The following ERC2 variants were observed in gnomAD, a reference collection of about 807,000 sequenced individuals.
The protein encoded by ERC2 is ERC protein 2.
A neutral mutation model predicts 114.8 loss-of-function variants in ERC2; 42 were observed. The observed-to-expected ratio is 0.37, with a 90% confidence interval of 0.29 to 0.47. ERC2 has a LOEUF of 0.47. Ranked by LOEUF, ERC2 falls within the 20% of genes least tolerant of loss-of-function variation. ERC2 has a pLI of 0.99. For synonymous variants in ERC2, 454 were observed against 425.5 expected (o/e 1.07, Z -0.82); for missense variants, 939 against 1,150.7 (o/e 0.82, Z 2.66).
chr3:56,315,332 C>T (rs2056813364), intron 2 of ERC2, among the ~76,000 whole-genome samples: 1 of 152,054 alleles, frequency 6.6e-6, no homozygotes, highest in Non-Finnish European at 1.5e-5. Context: ...AATGATAAGT[C>T]ACAGGAGATC....
At chr3:56,245,832 C>T (rs2051657367) in intron 3 of ERC2, among the ~76,000 whole-genome samples, 1 of 152,036 alleles carries the variant, frequency 6.6e-6, no homozygotes, top group African/African-American at 2.4e-5. Context: ...TGAGCCACCA[C>T]TCCCGGCCCT....
At chr3:55,911,398 C>T (rs2064803721) in intron 13 of ERC2, among the ~76,000 whole-genome samples, 1 of 152,124 alleles carries the variant, frequency 6.6e-6, no homozygotes, top group African/African-American at 2.4e-5. Context: ...AGGTAATATT[C>T]TAGTAAGGGA....
At chr3:56,266,133 T>A (rs1037709868) in intron 3 of ERC2, among the ~76,000 whole-genome samples, 2 of 144,142 alleles carry the variant, frequency 1.4e-5, no homozygotes, top group Non-Finnish European at 3.1e-5. Flanking sequence ...ATAACTAGAT[T>A]TTTTTTTTTT....
chr3:56,097,470 C>T (rs967829228), intron 6 of ERC2, among the ~76,000 whole-genome samples: 5 of 151,966 alleles, frequency 3.3e-5, no homozygotes, highest in Non-Finnish European at 5.9e-5. Context: ...TTTCATCCTG[C>T]GAATTTTCTA....
chr3:56,135,545 T>C (rs558366614), intron 6 of ERC2, among the ~76,000 whole-genome samples: 154 of 152,306 alleles, frequency 1.0e-3, no homozygotes, highest in African/African-American at 3.5e-3. Flanking sequence ...CCATAATTTA[T>C]AGCTGTAACC....
chr3:55,816,760 CA>C (rs2059917838), intron 14 of ERC2, among the ~76,000 whole-genome samples: 1 of 149,956 alleles, frequency 6.7e-6, no homozygotes, highest in Non-Finnish European at 1.5e-5. Context: ...CTGGGGAAAA[CA>C]AAAACAAAAA....
At chr3:56,035,795 C>T (rs138418796) in intron 7 of ERC2, among the ~76,000 whole-genome samples, 169 of 152,304 alleles carry the variant, frequency 1.1e-3, no homozygotes, top group African/African-American at 3.9e-3. Context: ...TTACAAACTA[C>T]CCATTCTCAG....
At chr3:56,364,570 A>G (rs1232405887) in intron 2 of ERC2, among the ~76,000 whole-genome samples, 1 of 152,222 alleles carries the variant, frequency 6.6e-6, no homozygotes, top group Non-Finnish European at 1.5e-5. Flanking sequence ...AGGCAGAGGA[A>G]GATTCTCCTA....
At chr3:55,842,689 T>C (rs564777132) in intron 14 of ERC2, among the ~76,000 whole-genome samples, 3 of 151,466 alleles carry the variant, frequency 2.0e-5, no homozygotes, top group Non-Finnish European at 4.4e-5. Flanking sequence ...ATTACCTCAG[T>C]GAAATTAACA....
At chr3:56,034,383 T>C (rs898250255) in intron 7 of ERC2, among the ~76,000 whole-genome samples, 8 of 152,064 alleles carry the variant, frequency 5.3e-5, no homozygotes, top group Non-Finnish European at 8.8e-5. Flanking sequence ...AATACAATAA[T>C]AGTAGGGGAC....
At chr3:55,622,772 G>T (rs2148601811) in intron 17 of ERC2, among the ~76,000 whole-genome samples, 1 of 152,060 alleles carries the variant, frequency 6.6e-6, no homozygotes, top group South Asian at 2.1e-4. Flanking sequence ...CCAAACAGAA[G>T]AGGGTCATAT....
intron 6 of ERC2, among the ~76,000 whole-genome samples, chr3:56,100,942 T>A (rs2078319068): frequency 2.6e-5 from 4 of 152,172 alleles, no homozygotes; most frequent in Admixed American, 2.6e-4. Flanking sequence ...CTCTAACAGT[T>A]GTCCTCAACA....
At chr3:55,623,236 T>C (rs2059391194) in intron 17 of ERC2, among the ~76,000 whole-genome samples, 1 of 152,176 alleles carries the variant, frequency 6.6e-6, no homozygotes, top group Non-Finnish European at 1.5e-5. Flanking sequence ...CCACAGAGGA[T>C]TACTGTAAAG....
intron 3 of ERC2, among the ~76,000 whole-genome samples, chr3:56,253,124 C>G (rs2052288182): frequency 6.6e-6 from 1 of 152,132 alleles, no homozygotes; most frequent in Non-Finnish European, 1.5e-5. Context: ...CTGTACCTTA[C>G]CAGCTGGTTA....
intron 13 of ERC2, among the ~76,000 whole-genome samples, chr3:55,931,404 A>G (rs548245283): frequency 4.2e-4 from 64 of 152,346 alleles, no homozygotes; most frequent in Middle Eastern, 3.4e-3. Context: ...CATATACACT[A>G]TGGAATACTA....
At chr3:55,660,062 G>C (rs538420594) in intron 17 of ERC2, among the ~76,000 whole-genome samples, 3 of 151,756 alleles carry the variant, frequency 2.0e-5, no homozygotes, top group Middle Eastern at 3.4e-3. Context: ...ATTCATTACT[G>C]CATCATTAGC....
chr3:55,962,675 G>A (rs913086059), intron 12 of ERC2, among the ~76,000 whole-genome samples: 1 of 152,194 alleles, frequency 6.6e-6, no homozygotes, highest in African/African-American at 2.4e-5. Flanking sequence ...TTACTAGGTA[G>A]GTCCTATTTG....
chr3:55,769,297 G>A (rs1170831908), intron 14 of ERC2, among the ~76,000 whole-genome samples: 1 of 152,102 alleles, frequency 6.6e-6, no homozygotes, highest in Non-Finnish European at 1.5e-5. Context: ...TTTGGGGGCA[G>A]TTTGGGAGCT....
At chr3:55,679,206 C>T (rs1049623710) in intron 17 of ERC2, among the ~76,000 whole-genome samples, 2 of 152,212 alleles carry the variant, frequency 1.3e-5, no homozygotes, top group African/African-American at 4.8e-5. Flanking sequence ...CTGTTTTGTG[C>T]TCTACCCAGA....
Sources: allele counts gnomAD v4.1 joint callset (sites outside exome capture counted in the v4.1 genomes callset), GRCh38; gene constraint gnomAD v4.1.1; transcripts MANE v1.5; gene names NCBI Gene and HGNC (gene_info 2026-07-23, HGNC 2026-07-21).